Variants in CALCRL observed in about 807,000 individuals in gnomAD.
CALCRL encodes calcitonin gene-related peptide type 1 receptor.
Under a neutral mutation model 60.4 loss-of-function variants are expected in CALCRL, and 27 were observed. The ratio of observed to expected loss-of-function variants is 0.45; its 90% CI spans 0.33 to 0.62. The LOEUF is 0.62. Among genes scored for constraint, CALCRL ranks in the 20% least tolerant of loss-of-function variants. The pLI, the probability that CALCRL is intolerant of heterozygous loss-of-function variation, is 0.03. For synonymous variants in CALCRL, 190 were observed against 182.6 expected (o/e 1.04, Z -0.33); for missense variants, 424 against 540.7 (o/e 0.78, Z 2.14).
chr2:187,422,593 A>G (rs562100574), intron 1 of CALCRL, among the ~76,000 whole-genome samples: 1 of 152,254 alleles, frequency 6.6e-6, no homozygotes, highest in South Asian at 2.1e-4. Flanking sequence ...AGGCTCTTAT[A>G]GTAAATATCA....
intron 12 of CALCRL, 129 bp from the exon 13 acceptor site, chr2:187,352,461 A>AT (rs1686576346): frequency 1.7e-6 from 1 of 595,388 alleles, no homozygotes; most frequent in Admixed American, 2.9e-5. Context: ...AAAGGGTATT[A>AT]TTGCCTAAGG....
chr2:187,412,858 CTAAT>C (rs1446119085), intron 1 of CALCRL, among the ~76,000 whole-genome samples: 1 of 152,100 alleles, frequency 6.6e-6, no homozygotes, highest in African/African-American at 2.4e-5. Context: ...ATATCAATAA[CTAAT>C]TAGTTTTTAT....
chr2:187,360,123 A>G (rs952393485), intron 10 of CALCRL, among the ~76,000 whole-genome samples: 1 of 152,074 alleles, frequency 6.6e-6, no homozygotes, highest in South Asian at 2.1e-4. Context: ...TGTAGAAAAA[A>G]TAAATCTTTT....
At chr2:187,401,828 T>C (rs1422363427) in intron 1 of CALCRL, among the ~76,000 whole-genome samples, 2 of 151,640 alleles carry the variant, frequency 1.3e-5, no homozygotes, top group Non-Finnish European at 3.0e-5. Context: ...TGTTGAACTT[T>C]GGTTTATTCT....
intron 8 of CALCRL, among the ~76,000 whole-genome samples, chr2:187,364,639 G>A (rs1687201023): frequency 6.6e-6 from 1 of 152,006 alleles, no homozygotes; most frequent in Admixed American, 6.6e-5. Context: ...AATTAGGGTG[G>A]GATGCCACGG....
intron 13 of CALCRL, 36 bp from the exon 14 acceptor site, chr2:187,351,997 G>GGAAA: frequency 6.4e-7 from 1 of 1,570,330 alleles, no homozygotes; most frequent in Non-Finnish European, 8.7e-7. Flanking sequence ...GAATCCAAAT[G>GGAAA]GAAAGATACA....
chr2:187,368,297 G>A (rs915163220), intron 8 of CALCRL, among the ~76,000 whole-genome samples: 2 of 151,866 alleles, frequency 1.3e-5, no homozygotes, highest in Admixed American at 6.6e-5. Flanking sequence ...TGGTTTTTAG[G>A]TACAAATACT....
At chr2:187,370,945 C>A (rs945714012) in intron 8 of CALCRL, among the ~76,000 whole-genome samples, 2 of 152,170 alleles carry the variant, frequency 1.3e-5, no homozygotes, top group African/African-American at 4.8e-5. Context: ...TGGAGATAGA[C>A]CCAATAAAAC....
At position 187,352,319 on chromosome 2, in the gene CALCRL, A is replaced by G; in HGVS notation, c.923T>C (p.Phe308Ser). 6 of 1,605,128 alleles carry G rather than the reference A, an allele frequency of 3.7e-6. No homozygotes were observed. The highest frequency in any genetic ancestry group is 5.1e-6 in the Non-Finnish European group (6 of 1,173,404). Residue 308 changes from phenylalanine to serine, a missense_variant, in exon 13 of 15, where the codon TTC becomes TCC. Physicochemically the swap from Phe to Ser is radical, Grantham distance 155 (BLOSUM62 -2). This residue lies in a region of CALCRL where 222 missense variants were observed against 265.6 expected (regional missense o/e 0.84). Coordinates refer to ENST00000392370, the MANE Select transcript of CALCRL (RefSeq NM_005795.6). ...GAGAACGCGTACAATATTTAACAAG[A>G]AAAAAAGATTCACCTAAAAACGAAA... ...ICAALLVNLF[F>S]LLNIVRVLIT... is the part of the protein sequence containing the mutation.
In CALCRL at chr2:187,362,689, A is replaced by G. The variant is rs1304748850; in HGVS notation, c.627+687T>C. 2.0e-5 allele frequency among the ~76,000 whole-genome samples: 3 copies of G among 152,182 alleles called. No individual in the cohort carries two copies. The East Asian group carries it at 5.8e-4, about 29-fold the overall frequency. ...AGATATTTTAATTTAAACATTTTAC[A>G]TATGCATATAGCTTACACAAAATAT... On this transcript the variant is annotated intron_variant, in intron 9 of 14. Coordinates refer to ENST00000392370, the MANE Select transcript of CALCRL (RefSeq NM_005795.6).
chr2:187,421,269 C>T (rs1345741783), intron 1 of CALCRL, among the ~76,000 whole-genome samples: 1 of 152,098 alleles, frequency 6.6e-6, no homozygotes, highest in Non-Finnish European at 1.5e-5. Context: ...TTAATTATAT[C>T]TAAATAATCT....
intron 9 of CALCRL, among the ~76,000 whole-genome samples, chr2:187,363,110 CT>C (rs1687128764): frequency 6.6e-6 from 1 of 152,048 alleles, no homozygotes; most frequent in African/African-American, 2.4e-5. Flanking sequence ...AATTATTACA[CT>C]TTTTTATGTT....
intron 12 of CALCRL, among the ~76,000 whole-genome samples, chr2:187,357,832 AAG>A (rs869099999): frequency 1.3e-3 from 47 of 37,430 alleles, no homozygotes; most frequent in African/African-American, 3.1e-3. Flanking sequence ...AAGAAAAAAA[AAG>A]ACCCAAATGA....
chr2:187,360,587 A>G lies in CALCRL; in HGVS notation c.781+11T>C. On this transcript the variant is annotated intron_variant, in intron 10 of 14. Transcript: ENST00000392370. ...TCCACTGAATCAACAAGTATGTATA[A>G]TAACACTTACCCCAGCCAAGAAAAT... The G allele has an allele frequency of 1.9e-6, 3 of 1,604,862 alleles. No individual in the cohort carries two copies. The highest frequency in any genetic ancestry group is 2.6e-6 in the Non-Finnish European group (3 of 1,176,058).
At chr2:187,381,170 G>A (rs1687970890) in intron 5 of CALCRL, among the ~76,000 whole-genome samples, 1 of 151,930 alleles carries the variant, frequency 6.6e-6, no homozygotes, top group African/African-American at 2.4e-5. Context: ...TTTAGAAACT[G>A]TATGCTTAGG....
chr2:187,375,469 A>G (rs990899012), intron 8 of CALCRL, among the ~76,000 whole-genome samples: 1 of 152,196 alleles, frequency 6.6e-6, no homozygotes, highest in African/African-American at 2.4e-5. Context: ...TCTTTTATGT[A>G]GAGGTCAAAT....
chr2:187,406,381 G>C (rs1035721428), intron 1 of CALCRL, among the ~76,000 whole-genome samples: 2 of 151,944 alleles, frequency 1.3e-5, no homozygotes, highest in African/African-American at 4.8e-5. Context: ...AAATGTACTA[G>C]TGTAAATGTA....
chr2:187,388,344 A>G (rs1688290756), intron 1 of CALCRL, among the ~76,000 whole-genome samples: 1 of 152,132 alleles, frequency 6.6e-6, no homozygotes, highest in Admixed American at 6.6e-5. Flanking sequence ...AAGAGTTGAA[A>G]ATAGTTAACA....
At chr2:187,438,619 T>A (rs1408864401) in intron 1 of CALCRL, among the ~76,000 whole-genome samples, 1 of 152,134 alleles carries the variant, frequency 6.6e-6, no homozygotes, top group Non-Finnish European at 1.5e-5. Flanking sequence ...AAGGCTTTTG[T>A]TGGGAGGCAA....
Sources: gnomAD v4.1 joint callset for allele counts (sites outside exome capture counted in the v4.1 genomes callset) on GRCh38, gnomAD v4.1.1 for gene constraint, gnomAD v4.1.1 regional missense constraint, MANE v1.5 for transcripts, NCBI Gene and HGNC (gene_info 2026-07-23, HGNC 2026-07-21) for gene names.